The following ZNF605 variants were observed in gnomAD, a reference collection of about 807,000 sequenced individuals.
ZNF605 encodes zinc finger protein 605.
ZNF605 carries 9 observed loss-of-function variants against 7.9 expected under a neutral mutation model. The ratio of observed to expected loss-of-function variants is 1.14; its 90% CI spans 0.68 to 1.98. The LOEUF (loss-of-function observed/expected upper bound fraction) is 1.98. Ranked by LOEUF, ZNF605 falls within the 30% of genes most tolerant of loss-of-function variation. The pLI is 0.00. For missense variants in ZNF605, 673 were observed against 762.4 expected (o/e 0.88, Z 1.38); for synonymous variants, 255 against 260.1 (o/e 0.98, Z 0.19).
chr12:132,933,247 G>A lies in ZNF605; in HGVS notation c.16-92C>T. On this transcript the variant is annotated intron_variant, in intron 3 of 4. Transcript: ENST00000360187. The surrounding 1 kb of genome is among the most constrained non-coding windows in gnomAD (Gnocchi z 4.4). ...TGTATTTGTGGTAGGTGGCCTCTAA[G>A]ATGGCCCCAGTGACCTCTGACTCCG... is the stretch of plus-strand genomic sequence containing the variant. The A allele has an allele frequency of 7.0e-7, 1 of 1,420,648 alleles. No homozygotes were observed. The highest frequency in any genetic ancestry group is 9.5e-7 in the Non-Finnish European group (1 of 1,055,596). 88.0% of individuals were successfully genotyped at this position (1,420,648 alleles called of 1,614,324 possible).
intron 3 of ZNF605, among the ~76,000 whole-genome samples, chr12:132,944,361 G>A (rs777909813): frequency 6.6e-6 from 1 of 152,134 alleles, no homozygotes; most frequent in Non-Finnish European, 1.5e-5. Context: ...AGAGGGGAGA[G>A]GCTGACTAGG....
Position 132,924,295 on chromosome 12 carries a change from T to C in ZNF605, c.*1078A>G, listed in dbSNP as rs1278422249. 3 of 152,242 alleles carry C rather than the reference T, an allele frequency of 2.0e-5. No individual in the cohort carries two copies. Among genetic ancestry groups the C allele is most frequent in the Non-Finnish European group, 4.4e-5 (3 of 68,056 alleles). 9.4% of individuals were successfully genotyped at this position (152,242 alleles called of 1,614,324 possible). A position where few individuals can be genotyped will look rare whatever the true frequency, so the allele number is the denominator to read the frequency against. The stretch of plus-strand genomic sequence containing the variant: ...TACTAAAACAAAACCTTTCTGAGAA[T>C]TCTACCTGATGCTCCATGTGTTTCC... On this transcript the variant is annotated 3_prime_UTR_variant, in exon 5 of 5. Transcript: ENST00000360187.
intron 3 of ZNF605, among the ~76,000 whole-genome samples, chr12:132,938,934 G>C (rs1303984981): frequency 6.6e-6 from 1 of 152,090 alleles, no homozygotes; most frequent in Non-Finnish European, 1.5e-5. Flanking sequence ...TCCCCCAGCA[G>C]TGCTGGCCCA....
rs760486966 is a variant in ZNF605, at chr12:132,925,512, T to C, written c.1787A>G (p.Lys596Arg). The C allele has an allele frequency of 6.2e-7, 1 of 1,614,228 alleles. No homozygotes were observed. Among genetic ancestry groups the C allele is most frequent in the Non-Finnish European group, 8.5e-7 (1 of 1,180,038 alleles). ...AAGGTGTGACTTTCTTGTGAAAGAT[T>C]TCCCACATTCACCACATTTATATGG... ...ERPYKCGECG[K>R]SFTRKSHLMR... The change falls in exon 5 of 5, where the codon AAA becomes AGA. Residue 596 changes from lysine (K) to arginine (R), a missense_variant. Coordinates refer to ENST00000360187, the MANE Select transcript of ZNF605 (RefSeq NM_183238.4).
At chr12:132,929,677 T>C (rs1002041566) in intron 4 of ZNF605, among the ~76,000 whole-genome samples, 1 of 152,168 alleles carries the variant, frequency 6.6e-6, no homozygotes, top group African/African-American at 2.4e-5. Flanking sequence ...CCGGGTGCGG[T>C]GGCTCACGTC....
At position 132,928,077 on chromosome 12, in the gene ZNF605, T is replaced by C. The variant is rs1035200389; in HGVS notation, c.137-915A>G. On this transcript the variant is annotated intron_variant, in intron 4 of 4. Coordinates refer to ENST00000360187, the MANE Select transcript of ZNF605 (RefSeq NM_183238.4). ...AGTGATTAGTTTACTTTTTTGACAA[T>C]AATCTATGATTATCTACTATGTGTC... 2.6e-5 allele frequency among the ~76,000 whole-genome samples: 4 copies of C among 152,314 alleles called. No homozygotes were observed. In the East Asian group the frequency reaches 7.7e-4, roughly 29 times the overall value.
chr12:132,949,892 A>C (rs995586132), intron 1 of ZNF605, among the ~76,000 whole-genome samples: 2 of 152,206 alleles, frequency 1.3e-5, no homozygotes, highest in South Asian at 4.1e-4. Flanking sequence ...GAAAGGTCAG[A>C]GGCTCTAAGA....
At chr12:132,951,842 C>G (rs989564132) in intron 1 of ZNF605, among the ~76,000 whole-genome samples, 7 of 151,642 alleles carry the variant, frequency 4.6e-5, no homozygotes, top group Non-Finnish European at 8.8e-5. Context: ...TACACATACA[C>G]GCATACATCA....
chr12:132,943,540 CCTT>C (rs1952467554), intron 3 of ZNF605, among the ~76,000 whole-genome samples: 1 of 152,014 alleles, frequency 6.6e-6, no homozygotes, highest in Non-Finnish European at 1.5e-5. Context: ...ACACATTTGC[CCTT>C]CTTACCCAGG....
Position 132,926,581 on chromosome 12 carries a change from G to A in ZNF605, c.718C>T (p.Leu240Phe). 2.5e-6 allele frequency: 4 copies of A among 1,614,172 alleles called. No individual in the cohort carries two copies. The highest frequency in any genetic ancestry group is 3.4e-6 in the Non-Finnish European group (4 of 1,180,020). The change falls in exon 5 of 5, where the codon CTC becomes TTC. Residue 240 changes from leucine to phenylalanine, a missense_variant. Coordinates refer to ENST00000360187, the MANE Select transcript of ZNF605 (RefSeq NM_183238.4). ...CQKAFSRKSL[L>F]ILHQRIHTGE... The stretch of plus-strand genomic sequence containing the variant: ...GTATGAATTCTCTGATGTAAAATGA[G>A]GAGTGACTTCCTACTAAAAGCTTTC...
In ZNF605 at chr12:132,926,545, G is replaced by A. The variant is rs1348154023; in HGVS notation, c.754C>T (p.Pro252Ser). Reference protein sequence around the residue: ...LHQRIHTGEKPYGCSECGKAF... With the variant: ...LHQRIHTGEKSYGCSECGKAF... ...TTTCCACATTCACTGCATCCATACG[G>A]CTTCTCTCCAGTATGAATTCTCTGA... Residue 252 changes from proline (P) to serine (S), a missense_variant, in exon 5 of 5, where the codon CCG becomes TCG. Physicochemically the swap from Pro to Ser is moderately conservative, Grantham distance 74 (BLOSUM62 -1). Transcript: ENST00000360187. 3.7e-6 allele frequency: 6 copies of A among 1,614,146 alleles called. No individual in the cohort carries two copies. Among genetic ancestry groups the A allele is most frequent in the Non-Finnish European group, 4.2e-6 (5 of 1,180,026 alleles).
At chr12:132,946,341 G>A (rs1952493787) in intron 2 of ZNF605, among the ~76,000 whole-genome samples, 2 of 152,204 alleles carry the variant, frequency 1.3e-5, no homozygotes. Context: ...TAATGTAAGA[G>A]TAAAAAAAGA....
chr12:132,926,795 G>T lies in ZNF605; in HGVS notation c.504C>A (p.Val168=), dbSNP rs1459111790. 1.1e-4 allele frequency: 182 copies of T among 1,614,058 alleles called. No individual in the cohort carries two copies. The highest frequency in any genetic ancestry group is 1.5e-4 in the Non-Finnish European group (176 of 1,179,996). ...ATCTGCCACATTCCATGCATAAATAGACTCCTGTGTGTGTTATGTGATTAG... is the reference window on the plus strand; with the variant it reads ...ATCTGCCACATTCCATGCATAAATATACTCCTGTGTGTGTTATGTGATTAG... ...LTANHITHTG[V]YLCMECGRFF... is the part of the protein sequence containing the mutation. Residue 168 remains valine (V), a synonymous_variant, in exon 5 of 5, where the codon GTC becomes GTA. Coordinates refer to ENST00000360187, the MANE Select transcript of ZNF605 (RefSeq NM_183238.4).
intron 2 of ZNF605, among the ~76,000 whole-genome samples, chr12:132,946,801 C>A (rs1026022363): frequency 6.6e-6 from 1 of 152,202 alleles, no homozygotes; most frequent in African/African-American, 2.4e-5. Flanking sequence ...CTGAGCGCCC[C>A]TCTGCTTCAA....
rs1952245550 is a variant in ZNF605 at position 132,926,213 on chromosome 12, C to CATTCATACAGGGCAT, written c.1085_1086insATGCCCTGTATGAAT (p.Glu362_Lys363insCysProValTer). 6 of 1,614,038 alleles carry CATTCATACAGGGCAT rather than the reference C, an allele frequency of 3.7e-6. No homozygotes were observed. The Admixed American group carries it at 1.0e-4, about 27-fold the overall frequency. On this transcript the variant is annotated stop_gained and inframe_insertion, in exon 5 of 5. Transcript: ENST00000360187. LOFTEE classifies it low-confidence loss of function (END_TRUNC). ...CACATTCGTTGCATTCGTAGGGCTT[C>CATTCATACAGGGCAT]TCTCCTGTATGAATCCTCTGATGCC...
In ZNF605 at chr12:132,933,985, G is replaced by A. The variant is rs1277157726; in HGVS notation, c.16-830C>T. ...TATCTCTCAGTCACTGGCTGGGCAC[G>A]GTGGCTTATGCCTGTAATCCCAGCA... On this transcript the variant is annotated intron_variant, in intron 3 of 4. Coordinates refer to ENST00000360187, the MANE Select transcript of ZNF605 (RefSeq NM_183238.4). This position sits in a 1 kb window ranked among gnomAD's most constrained non-coding sequence, Gnocchi z 4.4. Among the ~76,000 whole-genome samples the A allele has an allele frequency of 1.3e-5, 2 of 152,174 alleles. No homozygotes were observed. Among genetic ancestry groups the A allele is most frequent in the Non-Finnish European group, 2.9e-5 (2 of 68,038 alleles).
In ZNF605 at chr12:132,929,159, G is replaced by C. The variant is rs980485814; in HGVS notation, c.137-1997C>G. ...GCGGTGACTGATGCCTGGAATCCCA[G>C]CACTTCAGGGGGCTGAGGTGGGTGG... On this transcript the variant is annotated intron_variant, in intron 4 of 4. Coordinates refer to ENST00000360187, the MANE Select transcript of ZNF605 (RefSeq NM_183238.4). Among the ~76,000 whole-genome samples the C allele has an allele frequency of 5.9e-5, 9 of 152,274 alleles. No homozygotes were observed. The South Asian group carries it at 1.9e-3, about 32-fold the overall frequency.
At chr12:132,944,621 G>A (rs1207509555) in intron 3 of ZNF605, among the ~76,000 whole-genome samples, 2 of 152,170 alleles carry the variant, frequency 1.3e-5, no homozygotes, top group East Asian at 3.9e-4. Context: ...GGTAGGATGT[G>A]CAACCAAGAC....
intron 4 of ZNF605, among the ~76,000 whole-genome samples, chr12:132,929,902 G>T (rs1952289873): frequency 6.6e-6 from 1 of 152,174 alleles, no homozygotes; most frequent in Non-Finnish European, 1.5e-5. Flanking sequence ...CTGAGATCGT[G>T]CCACTGCACT....
Sources: gnomAD v4.1 joint callset for allele counts (sites outside exome capture counted in the v4.1 genomes callset) on GRCh38, gnomAD v4.1.1 for gene constraint, Gnocchi (gnomAD v3.1) non-coding constraint, MANE v1.5 for transcripts, NCBI Gene and HGNC (gene_info 2026-07-23, HGNC 2026-07-21) for gene names.